Variants in CACNB4 observed in about 807,000 individuals in gnomAD.
CACNB4 encodes calcium voltage-gated channel auxiliary subunit beta 4, also known as voltage-dependent L-type calcium channel subunit beta-4.
Under a neutral mutation model 71.2 loss-of-function variants are expected in CACNB4, and 32 were observed. The ratio of observed to expected loss-of-function variants is 0.45; its 90% CI spans 0.34 to 0.60. CACNB4 has a LOEUF of 0.60. Among genes scored for constraint, CACNB4 ranks in the 20% least tolerant of loss-of-function variants. The pLI is 0.01. For synonymous variants in CACNB4, 231 were observed against 236.9 expected, an observed-to-expected ratio of 0.97 and a Z score of 0.23; for missense variants, 464 against 647.9, an observed-to-expected ratio of 0.72 and a Z score of 3.08.
At chr2:152,038,572 C>T (rs938033148) in intron 2 of CACNB4, among the ~76,000 whole-genome samples, 33 of 152,208 alleles carry the variant, frequency 2.2e-4, no homozygotes, top group African/African-American at 6.0e-4. Context: ...AGAGGAAAGG[C>T]CCACTACTCT....
intron 2 of CACNB4, among the ~76,000 whole-genome samples, chr2:152,071,092 C>T (rs1686663332): frequency 6.6e-6 from 1 of 152,234 alleles, no homozygotes; most frequent in Non-Finnish European, 1.5e-5. Context: ...TGCTTAATCA[C>T]AGTTGCTATA....
At position 152,098,955 on chromosome 2, in the gene CACNB4, G is replaced by A; in HGVS notation, c.57C>T (p.Thr19=). The change falls in exon 1 of 14, where the codon ACC becomes ACT. Residue 19 remains threonine, a synonymous_variant. Transcript: ENST00000539935. This position sits in a 1 kb window ranked among gnomAD's most constrained non-coding sequence, Gnocchi z 5.3. ...NGTADGPHSP[T]SQVARGTTTR... ...GGGGAGGAGGGGGCGGTACCTGCGA[G>A]GTGGGGGAGTGCGGCCCGTCCGCGG... 6.6e-7 allele frequency: 1 copy of A among 1,519,812 alleles called. No homozygotes were observed. The highest frequency in any genetic ancestry group is 8.8e-7 in the Non-Finnish European group (1 of 1,134,736). 94.1% of individuals were successfully genotyped at this position (1,519,812 alleles called of 1,614,324 possible).
intron 2 of CACNB4, among the ~76,000 whole-genome samples, chr2:151,949,505 A>C (rs2099866381): frequency 1.3e-5 from 2 of 152,064 alleles, no homozygotes; most frequent in Non-Finnish European, 2.9e-5. Context: ...AAAAGAAGAC[A>C]CATATGCAAA....
intron 2 of CACNB4, among the ~76,000 whole-genome samples, chr2:152,092,285 T>G (rs1211720865): frequency 2.6e-5 from 4 of 152,274 alleles, no homozygotes; most frequent in African/African-American, 9.6e-5. Flanking sequence ...ATGATTATTC[T>G]TAGAGCTATG....
intron 2 of CACNB4, among the ~76,000 whole-genome samples, chr2:151,961,546 CCAA>C (rs2099869645): frequency 6.6e-6 from 1 of 152,166 alleles, no homozygotes; most frequent in Non-Finnish European, 1.5e-5. Context: ...AGGAAGACGA[CCAA>C]CAACAGCTCC....
intron 2 of CACNB4, among the ~76,000 whole-genome samples, chr2:152,047,808 T>A (rs924614079): frequency 1.3e-5 from 2 of 152,050 alleles, no homozygotes; most frequent in Admixed American, 1.3e-4. Flanking sequence ...CTGAGGCAGG[T>A]GAATTGCTTG....
intron 2 of CACNB4, among the ~76,000 whole-genome samples, chr2:152,013,286 G>C (rs1172560339): frequency 6.6e-6 from 1 of 152,124 alleles, no homozygotes; most frequent in African/African-American, 2.4e-5. Flanking sequence ...TAACTCATTT[G>C]GACAGAATAT....
At chr2:152,042,277 G>C (rs997743512) in intron 2 of CACNB4, among the ~76,000 whole-genome samples, 2 of 152,158 alleles carry the variant, frequency 1.3e-5, no homozygotes, top group African/African-American at 4.8e-5. Context: ...TCCTCTTCCC[G>C]CATAACCCTA....
chr2:151,999,498 C>T (rs1682275129), intron 2 of CACNB4, among the ~76,000 whole-genome samples: 2 of 151,804 alleles, frequency 1.3e-5, no homozygotes, highest in African/African-American at 2.4e-5. Context: ...TTTTAAAATG[C>T]ACAACAACAG....
chr2:151,964,020 G>T (rs2099870336), intron 2 of CACNB4, among the ~76,000 whole-genome samples: 1 of 133,292 alleles, frequency 7.5e-6, no homozygotes, highest in Non-Finnish European at 1.5e-5. Flanking sequence ...AGCGAGCCAA[G>T]ATCGTGCCAC....
chr2:151,843,177 CT>C (rs945964673), intron 12 of CACNB4, among the ~76,000 whole-genome samples: 1 of 152,210 alleles, frequency 6.6e-6, no homozygotes, highest in African/African-American at 2.4e-5. Context: ...GGTGGCCCCC[CT>C]GTCATTGCAG....
chr2:151,913,717 G>C lies in CACNB4; in HGVS notation c.148-30347C>G, dbSNP rs555255874. ...GGAGGCGGAGCTTGCAGTGAGCCGAGATCACGCCACTGCACTCCAGCCTGG... is the reference window on the plus strand; with the variant it reads ...GGAGGCGGAGCTTGCAGTGAGCCGACATCACGCCACTGCACTCCAGCCTGG... On this transcript the variant is annotated intron_variant, in intron 2 of 13. Transcript: ENST00000539935. 6.4e-5 allele frequency among the ~76,000 whole-genome samples: 9 copies of C among 141,488 alleles called. No individual in the cohort carries two copies. In the South Asian group the frequency reaches 2.0e-3, roughly 31 times the overall value. 92.8% of individuals were successfully genotyped at this position (141,488 alleles called of 152,430 possible).
intron 2 of CACNB4, among the ~76,000 whole-genome samples, chr2:152,034,315 G>A (rs916984759): frequency 6.6e-6 from 1 of 152,210 alleles, no homozygotes; most frequent in Non-Finnish European, 1.5e-5. Context: ...GGAAGGAAAA[G>A]CAGAGAGTGG....
chr2:151,874,338 C>T (rs2099845397), intron 5 of CACNB4, among the ~76,000 whole-genome samples: 2 of 151,802 alleles, frequency 1.3e-5, no homozygotes, highest in South Asian at 2.1e-4. Flanking sequence ...CACGATGGTG[C>T]GTGCCTGTAA....
chr2:152,038,163 T>G (rs1273072700), intron 2 of CACNB4, among the ~76,000 whole-genome samples: 1 of 152,218 alleles, frequency 6.6e-6, no homozygotes, highest in Non-Finnish European at 1.5e-5. Flanking sequence ...GCAAAGTTCC[T>G]AAATTCTTCA....
intron 2 of CACNB4, among the ~76,000 whole-genome samples, chr2:152,092,636 T>C (rs1466059939): frequency 6.6e-6 from 1 of 152,126 alleles, no homozygotes; most frequent in African/African-American, 2.4e-5. Context: ...CTTGAATGCA[T>C]TTCAAATGAA....
In CACNB4 at chr2:152,099,004, G is replaced by A. The variant is rs542973906; in HGVS notation, c.8C>T (p.Ser3Phe). The A allele has an allele frequency of 2.9e-4, 448 of 1,535,312 alleles. 3 individuals carry two copies. Among genetic ancestry groups the A allele is most frequent in the Middle Eastern group, 1.8e-3 (9 of 4,894 alleles). ...GGTCCCGTTCTTGGCGTAGGAGGAG[G>A]AGGACATCGTTCAGAGCCGCCGCAT... Reference protein sequence around the residue: MSSSSYAKNGTAD... With the variant: MSFSSYAKNGTAD... Residue 3 changes from serine to phenylalanine, a missense_variant, in exon 1 of 14, where the codon TCC becomes TTC. This residue lies in a region of CACNB4 where 50 missense variants were observed against 47.5 expected (regional missense o/e 1.05). Coordinates refer to ENST00000539935, the MANE Select transcript of CACNB4 (RefSeq NM_000726.5).
intron 2 of CACNB4, among the ~76,000 whole-genome samples, chr2:151,995,483 C>T (rs1316648165): frequency 6.6e-6 from 1 of 152,146 alleles, no homozygotes; most frequent in South Asian, 2.1e-4. Context: ...TATCACTTAA[C>T]AGACATGCTT....
At chr2:152,036,055 C>G (rs1231280756) in intron 2 of CACNB4, among the ~76,000 whole-genome samples, 1 of 152,030 alleles carries the variant, frequency 6.6e-6, no homozygotes, top group Non-Finnish European at 1.5e-5. Flanking sequence ...GTGAAATAAG[C>G]CAGTCACAAA....
Sources: allele counts gnomAD v4.1 joint callset (sites outside exome capture counted in the v4.1 genomes callset), GRCh38; gene constraint gnomAD v4.1.1; regional missense constraint gnomAD v4.1.1; non-coding constraint Gnocchi (gnomAD v3.1); transcripts MANE v1.5; gene names NCBI Gene and HGNC (gene_info 2026-07-23, HGNC 2026-07-21).